OPCML: variants seen among roughly 807,000 people sequenced by gnomAD.
OPCML encodes the protein opioid-binding protein/cell adhesion molecule.
In OPCML, 13 loss-of-function variants were observed where a neutral mutation model predicts 37.8. The observed-to-expected ratio is 0.34, with a 90% CI of 0.22 to 0.55. The LOEUF (loss-of-function observed/expected upper bound fraction) is 0.55, where lower values mean the gene tolerates loss of function less well. OPCML is among the 20% of genes least tolerant of loss of function. The pLI, the probability that OPCML is intolerant of heterozygous loss-of-function variation, is 0.91. For synonymous variants in OPCML, 176 were observed against 168.8 expected (o/e 1.04, Z -0.33); for missense variants, 341 against 435.6 (o/e 0.78, Z 1.93).
At chr11:133,529,322 AC>A (rs141401679) in intron 1 of OPCML, among the ~76,000 whole-genome samples, 5,153 of 152,222 alleles carry the variant, frequency 0.034, 104 homozygotes, top group South Asian at 0.09. Flanking sequence ...CCTGCTTCCT[AC>A]AGAGCCCCCA....
intron 1 of OPCML, among the ~76,000 whole-genome samples, chr11:133,116,443 C>T (rs931786529): frequency 6.6e-6 from 1 of 152,210 alleles, no homozygotes; most frequent in Non-Finnish European, 1.5e-5. Flanking sequence ...AATTGACTGT[C>T]AGGTATCTTT....
chr11:132,426,393 G>A (rs1051926068), intron 7 of OPCML, among the ~76,000 whole-genome samples: 5 of 152,132 alleles, frequency 3.3e-5, no homozygotes, highest in African/African-American at 7.2e-5. Flanking sequence ...GAGAGGCTAC[G>A]TGTCTTGGTA....
intron 3 of OPCML, among the ~76,000 whole-genome samples, chr11:132,566,096 C>A (rs1470330395): frequency 6.6e-6 from 1 of 152,088 alleles, no homozygotes; most frequent in Non-Finnish European, 1.5e-5. Context: ...CTATTAAGCC[C>A]CCAATATTTA....
chr11:133,002,437 C>T (rs1030056980), intron 1 of OPCML, among the ~76,000 whole-genome samples: 3 of 152,188 alleles, frequency 2.0e-5, no homozygotes, highest in Non-Finnish European at 2.9e-5. Context: ...TGTTTGAATC[C>T]TGTCTCACCG....
chr11:133,046,969 C>G (rs1191152497), intron 1 of OPCML, among the ~76,000 whole-genome samples: 2 of 151,388 alleles, frequency 1.3e-5, no homozygotes, highest in African/African-American at 2.4e-5. Flanking sequence ...TTTCAAAAGC[C>G]ATTTTAAAGT....
At chr11:133,446,304 T>G (rs990458319) in intron 1 of OPCML, among the ~76,000 whole-genome samples, 3 of 152,228 alleles carry the variant, frequency 2.0e-5, no homozygotes, top group African/African-American at 7.2e-5. Context: ...TGTTTTCTGT[T>G]GGACAAAAGT....
At chr11:133,335,277 CAA>C (rs1159358808) in intron 1 of OPCML, among the ~76,000 whole-genome samples, 1 of 152,150 alleles carries the variant, frequency 6.6e-6, no homozygotes, top group East Asian at 1.9e-4. Flanking sequence ...GTGATTTCCC[CAA>C]AGTCATACAG....
chr11:133,151,969 GT>G (rs1318097225), intron 1 of OPCML, among the ~76,000 whole-genome samples: 1 of 152,200 alleles, frequency 6.6e-6, no homozygotes, highest in East Asian at 1.9e-4. Flanking sequence ...CTTCCAGAGG[GT>G]TTTGGTGATT....
intron 1 of OPCML, among the ~76,000 whole-genome samples, chr11:133,230,516 G>C (rs776501942): frequency 1.9e-4 from 29 of 152,270 alleles, no homozygotes; most frequent in Non-Finnish European, 3.2e-4. Context: ...ACTGAAACAA[G>C]AGGTTTTCTC....
chr11:133,415,787 G>A (rs1284947342), intron 1 of OPCML, among the ~76,000 whole-genome samples: 2 of 152,216 alleles, frequency 1.3e-5, no homozygotes, highest in Admixed American at 1.3e-4. Context: ...TCCTGAGTCA[G>A]AGAGAGGTCA....
chr11:132,520,965 T>C (rs1390554625), intron 4 of OPCML, among the ~76,000 whole-genome samples: 1 of 152,106 alleles, frequency 6.6e-6, no homozygotes, highest in Non-Finnish European at 1.5e-5. Context: ...GGAATCGCCA[T>C]GGTCTTCCAC....
At chr11:132,936,606 G>A (rs915088242) in intron 2 of OPCML, among the ~76,000 whole-genome samples, 4 of 152,080 alleles carry the variant, frequency 2.6e-5, no homozygotes, top group Admixed American at 2.0e-4. Flanking sequence ...CTGTAGTGGC[G>A]CTAGGTACAG....
chr11:133,034,308 G>GGCGT (rs1555079919), intron 1 of OPCML, among the ~76,000 whole-genome samples: 1 of 143,436 alleles, frequency 7.0e-6, no homozygotes, highest in Non-Finnish European at 1.5e-5. Context: ...TGTATGTATA[G>GGCGT]GTGTGTGTGT....
intron 1 of OPCML, among the ~76,000 whole-genome samples, chr11:133,350,702 A>C (rs926698762): frequency 6.6e-6 from 1 of 152,228 alleles, no homozygotes; most frequent in Non-Finnish European, 1.5e-5. Flanking sequence ...GAAGCAAGCA[A>C]ATGAATGTAG....
chr11:132,938,332 A>G (rs752673633), intron 2 of OPCML, among the ~76,000 whole-genome samples: 7 of 152,098 alleles, frequency 4.6e-5, no homozygotes, highest in Non-Finnish European at 8.8e-5. Context: ...GTTAGCAGCA[A>G]GAGTTACTGG....
intron 2 of OPCML, among the ~76,000 whole-genome samples, chr11:132,765,560 A>G (rs911803150): frequency 3.3e-5 from 5 of 152,184 alleles, no homozygotes; most frequent in Admixed American, 2.6e-4. Context: ...AGCCCTGAGG[A>G]CAATCTTTTC....
At chr11:133,141,101 A>AAGAAGAAGAAGAAGAAGAAGC (rs1565469400) in intron 1 of OPCML, among the ~76,000 whole-genome samples, 6 of 139,696 alleles carry the variant, frequency 4.3e-5, no homozygotes, top group African/African-American at 1.5e-4. Flanking sequence ...GAAGGAGAAG[A>AAGAAGAAGAAGAAGAAGAAGC]AGAAGCAGCT....
rs77874433 is a variant in OPCML at position 133,173,433 on chromosome 11, C to T, written c.62-230423G>A. Among the ~76,000 whole-genome samples the T allele has an allele frequency of 0.011, 1,665 of 152,200 alleles. 30 individuals are homozygous for T. The highest frequency in any genetic ancestry group is 0.035 in the African/African-American group (1,474 of 41,522). On this transcript the variant is annotated intron_variant, in intron 1 of 7. Coordinates refer to ENST00000524381, the MANE Select transcript of OPCML (RefSeq NM_001012393.5). This position sits in a 1 kb window ranked among gnomAD's most constrained non-coding sequence, Gnocchi z 7.8. ...GTAAGAACTTAAAAGAATAATAAAT[C>T]GAGTGAACAAATAAATAAATGAGCA... is the stretch of plus-strand genomic sequence containing the variant.
rs1392210865 is a variant in OPCML at position 132,521,008 on chromosome 11, G to A, written c.505+8053C>T. On this transcript the variant is annotated intron_variant, in intron 4 of 7. Transcript: ENST00000524381. ...GAACTAATTAATACTCCCACCAACA[G>A]TGTGAAAGCATTCCTATTTCTCCAC... 2.0e-5 allele frequency among the ~76,000 whole-genome samples: 3 copies of A among 152,100 alleles called. No homozygotes were observed. The East Asian group carries it at 5.8e-4, about 29-fold the overall frequency.
Sources: allele counts gnomAD v4.1 joint callset (sites outside exome capture counted in the v4.1 genomes callset), GRCh38; gene constraint gnomAD v4.1.1; non-coding constraint Gnocchi (gnomAD v3.1); transcripts MANE v1.5; gene names NCBI Gene and HGNC (gene_info 2026-07-23, HGNC 2026-07-21).